Variants in DIDO1 observed in about 807,000 individuals in gnomAD.
DIDO1 encodes death-inducer obliterator 1.
In DIDO1, 16 loss-of-function variants were observed where a neutral mutation model predicts 99.4. That is an observed-to-expected ratio of 0.16 (90% CI 0.11 to 0.24). DIDO1 has a LOEUF of 0.24. Among genes scored for constraint, DIDO1 ranks in the 10% least tolerant of loss-of-function variants. DIDO1 has a pLI of 1.00. For missense variants in DIDO1, 2,996 were observed against 3,014.0 expected (o/e 0.99, Z 0.14); for synonymous variants, 1,366 against 1,239.1 (o/e 1.10, Z -2.15).
At chr20:62,886,410 CAG>C (rs1456266870) in intron 15 of DIDO1, among the ~76,000 whole-genome samples, 1 of 152,188 alleles carries the variant, frequency 6.6e-6, no homozygotes, top group Non-Finnish European at 1.5e-5. Context: ...GGTCTGGACT[CAG>C]TGGTCAGAAT....
chr20:62,889,917 A>G (rs2147382201), intron 15 of DIDO1: 2 of 985,476 alleles, frequency 2.0e-6, no homozygotes, highest in South Asian at 4.7e-5. Context: ...GCATAGGCTG[A>G]GCCCACTCCA....
rs373454883 is a variant in DIDO1, at chr20:62,906,015, G to A, written c.1460C>T (p.Ala487Val). ...TTVKKAVVVP[A>V]RSEALGKEAA... ...TTCCTTCCCGAGTGCTTCACTCCGC[G>A]CAGGGACCACCACTGCCTTCTTCAC... The change falls in exon 6 of 16, where the codon GCG becomes GTG. Residue 487 changes from alanine to valine, a missense_variant. Transcript: ENST00000395343. The A allele has an allele frequency of 4.3e-6, 7 of 1,613,786 alleles. No individual in the cohort carries two copies. The highest frequency in any genetic ancestry group is 1.3e-5 in the African/African-American group (1 of 74,902).
chr20:62,908,189 C>A (rs1415929612), intron 4 of DIDO1, among the ~76,000 whole-genome samples: 1 of 152,114 alleles, frequency 6.6e-6, no homozygotes, highest in African/African-American at 2.4e-5. Context: ...CTACGTTGCC[C>A]AGGCTGGTCT....
chr20:62,890,560 A>T, intron 15 of DIDO1: 2 of 1,019,584 alleles, frequency 2.0e-6, no homozygotes, highest in Non-Finnish European at 2.3e-6. Flanking sequence ...TAGAGAAGTG[A>T]TCCCTGATGG....
At position 62,896,474 on chromosome 20, in the gene DIDO1, C is replaced by T; in HGVS notation, c.2054+57G>A. 6.3e-7 allele frequency: 1 copy of T among 1,586,236 alleles called. No individual in the cohort carries two copies. Among genetic ancestry groups the T allele is most frequent in the Admixed American group, 1.9e-5 (1 of 51,576 alleles). ...GAACAGTGAGGCAATCCTGCAGCCACACTCTAATGAAAGCCCTTCCATTTT... is the reference window on the plus strand; with the variant it reads ...GAACAGTGAGGCAATCCTGCAGCCATACTCTAATGAAAGCCCTTCCATTTT... On this transcript the variant is annotated intron_variant, in intron 7 of 15. Transcript: ENST00000395343. The surrounding 1 kb of genome is among the most constrained non-coding windows in gnomAD (Gnocchi z 4.4).
intron 1 of DIDO1, 126 bp from the exon 2 acceptor site, chr20:62,914,532 A>G (rs2065004282): frequency 6.6e-6 from 1 of 152,270 alleles, no homozygotes; most frequent in Non-Finnish European, 1.5e-5. Context: ...CCACAAAGAC[A>G]GCTTGGGGGT....
At chr20:62,924,722 C>A (rs914588322) in intron 1 of DIDO1, among the ~76,000 whole-genome samples, 4 of 152,198 alleles carry the variant, frequency 2.6e-5, no homozygotes, top group Non-Finnish European at 5.9e-5. Flanking sequence ...TATGCACATG[C>A]AACATGGGCT....
chr20:62,917,584 G>A (rs2065062178), intron 1 of DIDO1, among the ~76,000 whole-genome samples: 1 of 152,168 alleles, frequency 6.6e-6, no homozygotes, highest in Non-Finnish European at 1.5e-5. Flanking sequence ...AGACCACTCG[G>A]CTCCCAGCTC....
Position 62,905,990 on chromosome 20 carries a change from T to C in DIDO1, c.1485A>G (p.Glu495=), listed in dbSNP as rs748464254. 8 of 1,613,998 alleles carry C rather than the reference T, an allele frequency of 5.0e-6. No homozygotes were observed. The highest frequency in any genetic ancestry group is 6.8e-6 in the Non-Finnish European group (8 of 1,180,050). ...VPARSEALGK[E]AACESSTPSW... ...ACGGCGTGCTGCTCTCACAAGCTGC[T>C]TCCTTCCCGAGTGCTTCACTCCGCG... Residue 495 remains glutamate, a synonymous_variant, in exon 6 of 16, where the codon GAA becomes GAG. Coordinates refer to ENST00000395343, the MANE Select transcript of DIDO1 (RefSeq NM_001193369.2).
At position 62,892,852 on chromosome 20, in the gene DIDO1, G is replaced by C; in HGVS notation, c.3212C>G (p.Thr1071Ser). The C allele has an allele frequency of 6.2e-7, 1 of 1,614,106 alleles. No homozygotes were observed. The highest frequency in any genetic ancestry group is 8.5e-7 in the Non-Finnish European group (1 of 1,180,004). ...ACACCCAGAGACAGGATACGCCTTA[G>C]TGACAAATTTTGCCACACTCTGCAT... The part of the protein sequence containing the change: ...INMQSVAKFV[T>S]KAYPVSGCFD... The change falls in exon 13 of 16, where the codon ACT becomes AGT. Residue 1071 changes from threonine (T) to serine (S), a missense_variant. Coordinates refer to ENST00000395343, the MANE Select transcript of DIDO1 (RefSeq NM_001193369.2).
chr20:62,880,907 G>C lies in DIDO1; in HGVS notation c.5049C>G (p.Phe1683Leu). 6.2e-7 allele frequency: 1 copy of C among 1,611,274 alleles called. No individual in the cohort carries two copies. The highest frequency in any genetic ancestry group is 1.7e-5 in the Admixed American group (1 of 60,022). ...PLQHDGERDP[F>L]TCPGFASQDK... is the part of the protein sequence containing the mutation. ...CCTGCGACGCGAACCCCGGGCAGGT[G>C]AAAGGGTCCCTCTCACCGTCGTGCT... Residue 1683 changes from phenylalanine (F) to leucine (L), a missense_variant, in exon 16 of 16, where the codon TTC becomes TTG. Physicochemically the swap from Phe to Leu is conservative, Grantham distance 22. Transcript: ENST00000395343.
At chr20:62,924,969 T>C (rs917642100) in intron 1 of DIDO1, among the ~76,000 whole-genome samples, 2 of 152,110 alleles carry the variant, frequency 1.3e-5, no homozygotes, top group Non-Finnish European at 2.9e-5. Context: ...AGACATCTCC[T>C]CCCCATGTAC....
chr20:62,902,611 C>T (rs1201906527), intron 6 of DIDO1, among the ~76,000 whole-genome samples: 2 of 152,190 alleles, frequency 1.3e-5, no homozygotes, highest in Non-Finnish European at 2.9e-5. Context: ...CTTAGGATTT[C>T]AGTGAAATGT....
chr20:62,929,692 A>AAAAAAAAAAAAAAAAAATATATATAT, upstream of DIDO1, among the ~76,000 whole-genome samples: 3 of 63,710 alleles, frequency 4.7e-5, no homozygotes, highest in African/African-American at 2.3e-4. Context: ...AAAAAGAAAA[A>AAAAAAAAAAAAAAAAAATATATATAT]GTGTATATAT....
Position 62,882,434 on chromosome 20 carries a change from T to C in DIDO1, c.3542-20A>G. On this transcript the variant is annotated intron_variant, in intron 15 of 15. Coordinates refer to ENST00000395343, the MANE Select transcript of DIDO1 (RefSeq NM_001193369.2). ...CAAGACCTGAAAAACAAAATATTTG[T>C]GCAAATTTTAGAATCTAAATCCAGC... 1 of 1,589,632 alleles carries C rather than the reference T, an allele frequency of 6.3e-7. No homozygotes were observed. Among genetic ancestry groups the C allele is most frequent in the Non-Finnish European group, 8.6e-7 (1 of 1,167,726 alleles).
intron 12 of DIDO1, 59 bp from the exon 13 acceptor site, chr20:62,893,021 A>C: frequency 6.5e-7 from 1 of 1,539,982 alleles, no homozygotes; most frequent in Non-Finnish European, 8.7e-7. Flanking sequence ...AGAATTTCAA[A>C]AGTAGAAAGC....
intron 6 of DIDO1, among the ~76,000 whole-genome samples, chr20:62,904,200 T>G (rs573630844): frequency 7.7e-6 from 1 of 129,274 alleles, no homozygotes; most frequent in Admixed American, 7.9e-5. Flanking sequence ...TAAATTTTAG[T>G]ACAGCATTAA....
rs767565758 is a variant in DIDO1, at chr20:62,910,955, C to T, written c.658G>A (p.Glu220Lys). The T allele has an allele frequency of 1.6e-5, 26 of 1,614,074 alleles. No homozygotes were observed. Among genetic ancestry groups the T allele is most frequent in the Non-Finnish European group, 2.0e-5 (24 of 1,180,044 alleles). The change falls in exon 3 of 16, where the codon GAG (glutamate) becomes AAG (lysine). Residue 220 changes from glutamate to lysine, a missense_variant. Physicochemically the swap from Glu to Lys is moderately conservative, Grantham distance 56. This residue lies in a region of DIDO1 where 388 missense variants were observed against 376.6 expected (regional missense o/e 1.03). Transcript: ENST00000395343. ...EGVLPSKQEP[E>K]NDQGVVSQAG... ...TGGGACACAACCCCCTGATCGTTCT[C>T]GGGCTCCTGCTTACTGGGCAGGACG... is the stretch of plus-strand genomic sequence containing the variant.
intron 6 of DIDO1, among the ~76,000 whole-genome samples, chr20:62,899,355 T>C (rs2064609760): frequency 6.6e-6 from 1 of 152,222 alleles, no homozygotes; most frequent in Non-Finnish European, 1.5e-5. Context: ...AACGGTATCT[T>C]TAATGATGTT....
Sources: allele counts gnomAD v4.1 joint callset (sites outside exome capture counted in the v4.1 genomes callset), GRCh38; gene constraint gnomAD v4.1.1; regional missense constraint gnomAD v4.1.1; non-coding constraint Gnocchi (gnomAD v3.1); transcripts MANE v1.5; gene names NCBI Gene and HGNC (gene_info 2026-07-23, HGNC 2026-07-21).